Variants in STK3 observed in about 807,000 individuals in gnomAD.
The protein encoded by STK3 is serine/threonine-protein kinase 3.
STK3 carries 41 observed loss-of-function variants against 58.0 expected under a neutral mutation model. The ratio of observed to expected loss-of-function variants is 0.71; its 90% CI spans 0.55 to 0.92. STK3 has a LOEUF of 0.92. STK3 is among the 40% of genes least tolerant of loss of function. The probability of loss-of-function intolerance (pLI) is 0.00; values close to 1 mark genes in which losing one functional copy is unlikely to be tolerated. For synonymous variants in STK3, 170 were observed against 191.0 expected, an observed-to-expected ratio of 0.89 and a Z score of 0.91; for missense variants, 479 against 602.7, an observed-to-expected ratio of 0.79 and a Z score of 2.15.
chr8:98,426,637 G>C (rs1818236861), intron 3 of STK3, among the ~76,000 whole-genome samples: 1 of 152,186 alleles, frequency 6.6e-6, no homozygotes, highest in Non-Finnish European at 1.5e-5. Flanking sequence ...TCCCTAAAAG[G>C]GGACACCTGG....
At chr8:98,776,126 C>T (rs554666136) in intron 1 of STK3, among the ~76,000 whole-genome samples, 17 of 151,496 alleles carry the variant, frequency 1.1e-4, no homozygotes, top group Admixed American at 2.0e-4. Flanking sequence ...AGTGTTAGTT[C>T]CCCAGAAAGA....
In STK3 at chr8:98,706,417, G is replaced by A. The variant is rs574527639; in HGVS notation, c.684+50C>T. 284 of 1,495,608 alleles carry A rather than the reference G, an allele frequency of 1.9e-4. 2 individuals carry two copies. In the South Asian group the frequency reaches 3.2e-3, roughly 17 times the overall value. The allele number at this position is 1,495,608 out of a possible 1,614,324, so 92.6% of individuals were successfully genotyped here. A position where few individuals can be genotyped will look rare whatever the true frequency, so the allele number is the denominator to read the frequency against. ...TTTACTTACATTGACATTACAAAAC[G>A]GCAACACTTATATAAGGCTAACATT... On this transcript the variant is annotated intron_variant, in intron 6 of 10. Coordinates refer to ENST00000419617, the MANE Select transcript of STK3 (RefSeq NM_006281.4).
chr8:98,418,253 C>A (rs1038681403), intron 3 of STK3, among the ~76,000 whole-genome samples: 1 of 152,208 alleles, frequency 6.6e-6, no homozygotes, highest in East Asian at 1.9e-4. Flanking sequence ...CTTTGATGGA[C>A]CAATCTGCAG....
intron 3 of STK3, among the ~76,000 whole-genome samples, chr8:98,759,331 A>C (rs1282526227): frequency 6.7e-6 from 1 of 149,494 alleles, no homozygotes; most frequent in Non-Finnish European, 1.5e-5. Flanking sequence ...GGAATAGGAA[A>C]GCCTGAGGAA....
chr8:98,765,303 C>A (rs1830872386), intron 3 of STK3, among the ~76,000 whole-genome samples: 1 of 152,022 alleles, frequency 6.6e-6, no homozygotes, highest in Non-Finnish European at 1.5e-5. Context: ...ATTTCACATG[C>A]TATGGGAAAT....
At chr8:98,826,986 T>TACCTTTCACATAACAATATAC, upstream of STK3, among the ~76,000 whole-genome samples, 1 of 134,034 alleles carries the variant, frequency 7.5e-6, no homozygotes, top group Non-Finnish European at 1.5e-5. Flanking sequence ...ATTCCATATA[T>TACCTTTCACATAACAATATAC]ACCTTTCACA....
chr8:98,470,698 A>C (rs1747167344), intron 10 of STK3, among the ~76,000 whole-genome samples: 1 of 152,214 alleles, frequency 6.6e-6, no homozygotes, highest in Non-Finnish European at 1.5e-5. Flanking sequence ...TATATCAACT[A>C]ATTTTAAAGA....
At chr8:98,414,093 G>C (rs552870935) in intron 3 of STK3, among the ~76,000 whole-genome samples, 1 of 152,030 alleles carries the variant, frequency 6.6e-6, no homozygotes, top group Admixed American at 6.6e-5. Flanking sequence ...GTGAAACCCC[G>C]TCTCTACTAA....
intron 6 of STK3, among the ~76,000 whole-genome samples, chr8:98,611,458 A>G (rs947172677): frequency 9.2e-5 from 14 of 152,208 alleles, no homozygotes; most frequent in Non-Finnish European, 2.9e-5. Context: ...TAGAAAGAAA[A>G]GAAATCTGTC....
intron 1 of STK3, among the ~76,000 whole-genome samples, chr8:98,780,266 T>A (rs1832003481): frequency 6.6e-6 from 1 of 152,056 alleles, no homozygotes; most frequent in Non-Finnish European, 1.5e-5. Context: ...AAGTAATATA[T>A]GAGAGCCCTT....
At chr8:98,492,099 C>T (rs1425920598) in intron 10 of STK3, among the ~76,000 whole-genome samples, 2 of 152,118 alleles carry the variant, frequency 1.3e-5, no homozygotes, top group African/African-American at 2.4e-5. Context: ...GTACATCATT[C>T]GTTTGTTATT....
chr8:98,408,838 A>C (rs1158624199), intron 3 of STK3, among the ~76,000 whole-genome samples: 1 of 152,234 alleles, frequency 6.6e-6, no homozygotes, highest in Non-Finnish European at 1.5e-5. Flanking sequence ...CCTTCCATTA[A>C]ATTAATCTGA....
chr8:98,543,663 G>T (rs535143401), intron 9 of STK3, among the ~76,000 whole-genome samples: 1 of 152,088 alleles, frequency 6.6e-6, no homozygotes, highest in Non-Finnish European at 1.5e-5. Flanking sequence ...CTGTAAAGTA[G>T]GGAGCAACGT....
chr8:98,344,590 G>A, the STK3 span, among the ~76,000 whole-genome samples: 1 of 151,870 alleles, frequency 6.6e-6, no homozygotes. Context: ...CAGGAGCCAT[G>A]AGTAGAAAAT....
chr8:98,490,478 G>C (rs1203734404), intron 10 of STK3, among the ~76,000 whole-genome samples: 1 of 152,026 alleles, frequency 6.6e-6, no homozygotes, highest in African/African-American at 2.4e-5. Flanking sequence ...TTACTTCTTA[G>C]GACATTTTCC....
chr8:98,550,728 G>A (rs1432548396), intron 8 of STK3, among the ~76,000 whole-genome samples: 1 of 152,090 alleles, frequency 6.6e-6, no homozygotes, highest in African/African-American at 2.4e-5. Flanking sequence ...GAGTCAGACA[G>A]ACATTAGTTC....
rs533441360 is a variant in STK3, at chr8:98,924,448, CT to C, written c.-79+17929del. ...TACAGTTTATTTCTATGGGCTCCTTCTTCTTCTTTATGCATACTTTCCCTCT... is the reference window on the plus strand; with the variant it reads ...TACAGTTTATTTCTATGGGCTCCTTCTCTTCTTTATGCATACTTTCCCTCT... On this transcript the variant is annotated intron_variant, in intron 1 of 1. Coordinates refer to the STK3 transcript ENST00000519420. Among the ~76,000 whole-genome samples, 13 of 152,304 alleles carry C rather than the reference CT, an allele frequency of 8.5e-5. No homozygotes were observed. The South Asian group carries it at 2.5e-3, about 29-fold the overall frequency.
intron 6 of STK3, among the ~76,000 whole-genome samples, chr8:98,700,990 G>A (rs180793320): frequency 6.6e-5 from 10 of 152,262 alleles, no homozygotes; most frequent in African/African-American, 1.2e-4. Context: ...GTGACACAGC[G>A]AGAATCCATC....
At chr8:98,397,458 C>T (rs1817906092), downstream of STK3, among the ~76,000 whole-genome samples, 1 of 152,028 alleles carries the variant, frequency 6.6e-6, no homozygotes, top group African/African-American at 2.4e-5. Flanking sequence ...ATCACTTGAG[C>T]CCAGGAGGTC....
Sources: allele counts gnomAD v4.1 joint callset (sites outside exome capture counted in the v4.1 genomes callset), GRCh38; gene constraint gnomAD v4.1.1; transcripts MANE v1.5; gene names NCBI Gene and HGNC (gene_info 2026-07-23, HGNC 2026-07-21).